Variants in CORO2A observed in about 807,000 individuals in gnomAD.
The protein encoded by CORO2A is coronin 2A.
In CORO2A, 47 loss-of-function variants were observed where a neutral mutation model predicts 62.4. The ratio of observed to expected loss-of-function variants is 0.75; its 90% CI spans 0.60 to 0.96. CORO2A has a LOEUF of 0.96. CORO2A is among the 40% of genes least tolerant of loss of function. The pLI is 0.00. For synonymous variants in CORO2A, 273 were observed against 268.9 expected (o/e 1.02, Z -0.15); for missense variants, 610 against 684.1 (o/e 0.89, Z 1.21).
chr9:98,143,266 G>T (rs1256809268), intron 2 of CORO2A, among the ~76,000 whole-genome samples: 1 of 152,218 alleles, frequency 6.6e-6, no homozygotes, highest in Non-Finnish European at 1.5e-5. Context: ...CCAGACTGGG[G>T]ACTCTCTACG....
chr9:98,131,217 T>A (rs1273180910), intron 6 of CORO2A, among the ~76,000 whole-genome samples, 158 bp from the exon 7 acceptor site: 1 of 151,998 alleles, frequency 6.6e-6, no homozygotes, highest in Non-Finnish European at 1.5e-5. Context: ...GGGGAAGATG[T>A]CCCTGGTTCT....
chr9:98,132,895 C>G, intron 5 of CORO2A, 143 bp downstream of exon 5: 6 of 925,468 alleles, frequency 6.5e-6, no homozygotes, highest in Non-Finnish European at 9.8e-6. Context: ...CCAGCAATCC[C>G]GAGAGGACAG....
chr9:98,125,672 G>T (rs1827305466), intron 11 of CORO2A, among the ~76,000 whole-genome samples: 1 of 151,160 alleles, frequency 6.6e-6, no homozygotes, highest in South Asian at 2.1e-4. Flanking sequence ...ATACCCACTA[G>T]GTCAAACCCT....
At chr9:98,130,732 T>C (rs1827392667) in intron 7 of CORO2A, among the ~76,000 whole-genome samples, 1 of 152,012 alleles carries the variant, frequency 6.6e-6, no homozygotes, top group Non-Finnish European at 1.5e-5. Flanking sequence ...TCCCCCCACA[T>C]CTGGGCCTGG....
intron 2 of CORO2A, among the ~76,000 whole-genome samples, chr9:98,155,868 C>G (rs997526983): frequency 2.6e-5 from 4 of 151,686 alleles, no homozygotes; most frequent in African/African-American, 9.7e-5. Flanking sequence ...CTTTTTGTAC[C>G]CTTTCTCTTT....
rs544089195 is a variant in CORO2A, at chr9:98,179,312, A to G, written c.-1+13247T>C. On this transcript the variant is annotated intron_variant, in intron 1 of 11. Transcript: ENST00000375077. ...AGCAGTGACCCTGCAGGACGCGGAG[A>G]CCCTGCTGCCCAGCATTGTGCTGGC... 3.9e-5 allele frequency among the ~76,000 whole-genome samples: 6 copies of G among 152,238 alleles called. No homozygotes were observed. In the South Asian group the frequency reaches 1.0e-3, roughly 26 times the overall value.
chr9:98,133,948 G>C (rs370164427), intron 4 of CORO2A, among the ~76,000 whole-genome samples: 1 of 151,374 alleles, frequency 6.6e-6, no homozygotes, highest in East Asian at 1.9e-4. Context: ...GTAGAGATGG[G>C]GTCTCACTAT....
intron 4 of CORO2A, among the ~76,000 whole-genome samples, chr9:98,133,522 G>T: frequency 6.6e-6 from 1 of 152,180 alleles, no homozygotes; most frequent in Non-Finnish European, 1.5e-5. Context: ...GTTATTAGCA[G>T]CAGTTTGCAC....
intron 2 of CORO2A, among the ~76,000 whole-genome samples, chr9:98,145,621 T>C (rs1255417158): frequency 6.6e-6 from 1 of 152,182 alleles, no homozygotes; most frequent in Non-Finnish European, 1.5e-5. Context: ...CAGAACATTA[T>C]CTGCAGGCAG....
At chr9:98,171,019 C>T (rs926632252) in intron 1 of CORO2A, among the ~76,000 whole-genome samples, 1 of 152,216 alleles carries the variant, frequency 6.6e-6, no homozygotes, top group African/African-American at 2.4e-5. Context: ...TCCCCCAAAT[C>T]AAGCCCTGAC....
At chr9:98,181,314 C>T (rs1371178739) in intron 1 of CORO2A, among the ~76,000 whole-genome samples, 1 of 143,772 alleles carries the variant, frequency 7.0e-6, no homozygotes, top group African/African-American at 2.5e-5. Context: ...GTCCCACCTT[C>T]AAATCATCTC....
intron 1 of CORO2A, among the ~76,000 whole-genome samples, chr9:98,161,707 G>A (rs530420557): frequency 2.6e-5 from 4 of 152,274 alleles, no homozygotes; most frequent in African/African-American, 7.2e-5. Context: ...TGAAGTGGAC[G>A]GGATGGTGGG....
chr9:98,134,345 C>G (rs1827454752), intron 4 of CORO2A, among the ~76,000 whole-genome samples: 1 of 152,302 alleles, frequency 6.6e-6, no homozygotes, highest in South Asian at 2.1e-4. Flanking sequence ...ATTTTCTGGG[C>G]AGTGCCATCC....
chr9:98,178,262 G>C (rs868580482), intron 1 of CORO2A, among the ~76,000 whole-genome samples: 1 of 152,124 alleles, frequency 6.6e-6, no homozygotes, highest in African/African-American at 2.4e-5. Context: ...GCCCAGGCTT[G>C]TATCAAACTC....
intron 1 of CORO2A, among the ~76,000 whole-genome samples, chr9:98,185,644 C>G (rs192836416): frequency 6.6e-6 from 1 of 152,336 alleles, no homozygotes; most frequent in African/African-American, 2.4e-5. Context: ...AATTCCCCAG[C>G]CTGGGCCAAC....
intron 11 of CORO2A, among the ~76,000 whole-genome samples, chr9:98,125,667 C>G (rs1469494780): frequency 1.3e-5 from 2 of 151,800 alleles, no homozygotes; most frequent in Non-Finnish European, 2.9e-5. Flanking sequence ...CTTTGATACC[C>G]ACTAGGTCAA....
chr9:98,174,837 G>T (rs1047844072), intron 1 of CORO2A, among the ~76,000 whole-genome samples: 3 of 152,096 alleles, frequency 2.0e-5, no homozygotes. Context: ...CCAGTCTCAG[G>T]TATGTCATTA....
chr9:98,186,523 G>C (rs1828240537), intron 1 of CORO2A, among the ~76,000 whole-genome samples: 1 of 152,178 alleles, frequency 6.6e-6, no homozygotes, highest in Admixed American at 6.5e-5. Flanking sequence ...TATTGATTAT[G>C]TGGGATGAGA....
rs375269323 is a variant in CORO2A at position 98,157,477 on chromosome 9, C to T, written c.184G>A (p.Val62Ile). ...GTCCTTACCTGGTGCAGGGGGATGA[C>T]GAGGAAGGCCCCTCCACCAGCACAC... ...TECAGGGAFL[V>I]IPLHQTGKLD... The change falls in exon 2 of 12, where the codon GTC becomes ATC. Residue 62 changes from valine (V) to isoleucine (I), a missense_variant. Coordinates refer to ENST00000375077, the MANE Select transcript of CORO2A (RefSeq NM_052820.4). 3.6e-5 allele frequency: 58 copies of T among 1,614,136 alleles called. No homozygotes were observed. The highest frequency in any genetic ancestry group is 1.0e-4 in the Admixed American group (6 of 60,016).
Sources: gnomAD v4.1 joint callset for allele counts (sites outside exome capture counted in the v4.1 genomes callset) on GRCh38, gnomAD v4.1.1 for gene constraint, MANE v1.5 for transcripts, NCBI Gene and HGNC (gene_info 2026-07-23, HGNC 2026-07-21) for gene names.